HCFC2: variants seen among roughly 807,000 people sequenced by gnomAD.
The protein encoded by HCFC2 is host cell factor 2.
HCFC2 carries 18 observed loss-of-function variants against 89.2 expected under a neutral mutation model. That is an observed-to-expected ratio of 0.20 (90% CI 0.14 to 0.30). The LOEUF is 0.30. Among genes scored for constraint, HCFC2 ranks in the 10% least tolerant of loss-of-function variants. The pLI, the probability that HCFC2 is intolerant of heterozygous loss-of-function variation, is 1.00. For synonymous variants in HCFC2, 308 were observed against 335.7 expected, an observed-to-expected ratio of 0.92 and a Z score of 0.90; for missense variants, 578 against 956.1, an observed-to-expected ratio of 0.60 and a Z score of 5.21.
In HCFC2 at chr12:104,068,081, C is replaced by T. The variant is rs753238262; in HGVS notation, c.447C>T (p.Ser149=). The T allele has an allele frequency of 2.1e-5, 33 of 1,596,066 alleles. No individual in the cohort carries two copies. Among genetic ancestry groups the T allele is most frequent in the Admixed American group, 3.5e-5 (2 of 56,790 alleles). Residue 149 remains serine, a synonymous_variant, in exon 3 of 15, where the codon AGC becomes AGT. Coordinates refer to ENST00000229330, the MANE Select transcript of HCFC2 (RefSeq NM_013320.3). This position sits in a 1 kb window ranked among gnomAD's most constrained non-coding sequence, Gnocchi z 4.1. ...CYLFGGLANE[S]EDSNNNVPRY... Reference sequence around the variant, plus strand: ...TGTTTGGTGGCCTGGCAAACGAAAGCGAAGATTCAAACAATAATGTTCCCA... The same window carrying T: ...TGTTTGGTGGCCTGGCAAACGAAAGTGAAGATTCAAACAATAATGTTCCCA...
At chr12:104,084,290 A>G (rs765264059) in intron 7 of HCFC2, among the ~76,000 whole-genome samples, 9 of 152,180 alleles carry the variant, frequency 5.9e-5, no homozygotes, top group Non-Finnish European at 1.2e-4. Context: ...AATACATGAG[A>G]TAGTGGTGTT....
chr12:104,099,509 G>A (rs1325722085), intron 13 of HCFC2, among the ~76,000 whole-genome samples: 1 of 152,104 alleles, frequency 6.6e-6, no homozygotes, highest in Non-Finnish European at 1.5e-5. Flanking sequence ...GCTGAGTCAG[G>A]AGGATTGCTT....
At chr12:104,069,093 C>T (rs1352671252) in intron 3 of HCFC2, among the ~76,000 whole-genome samples, 1 of 151,992 alleles carries the variant, frequency 6.6e-6, no homozygotes, top group Non-Finnish European at 1.5e-5. Flanking sequence ...ATCGCTTGAG[C>T]CCAGCAGTTC....
At chr12:104,078,021 C>T (rs1031520007) in intron 3 of HCFC2, among the ~76,000 whole-genome samples, 6 of 151,884 alleles carry the variant, frequency 4.0e-5, no homozygotes, top group African/African-American at 4.8e-5. Context: ...TGTTTTGAGA[C>T]GGAGTCTCAC....
Position 104,067,975 on chromosome 12 carries a change from A to C in HCFC2, c.341A>C (p.Lys114Thr). ...AGTCGTTGGTTATGGAAAAAAGTGA[A>C]ACCCCATCCCCCTCCTTCTGGTTTA... is the stretch of plus-strand genomic sequence containing the variant. ...QASRWLWKKV[K>T]PHPPPSGLPP... The change falls in exon 3 of 15, where the codon AAA (lysine) becomes ACA (threonine). Residue 114 changes from lysine to threonine, a missense_variant. Lys to Thr is a moderately conservative substitution (Grantham distance 78). This residue lies in a region of HCFC2 where 206 missense variants were observed against 419.2 expected (regional missense o/e 0.49). Transcript: ENST00000229330. 6.3e-7 allele frequency: 1 copy of C among 1,594,852 alleles called. No individual in the cohort carries two copies. Among genetic ancestry groups the C allele is most frequent in the Non-Finnish European group, 8.5e-7 (1 of 1,174,252 alleles).
intron 7 of HCFC2, among the ~76,000 whole-genome samples, chr12:104,086,054 G>C (rs1000948881): frequency 2.1e-5 from 3 of 145,288 alleles, no homozygotes; most frequent in Admixed American, 1.4e-4. Flanking sequence ...CTGGAGTGCA[G>C]TGTTGCGACC....
intron 3 of HCFC2, among the ~76,000 whole-genome samples, chr12:104,079,030 C>T (rs1883597701): frequency 1.3e-5 from 2 of 152,072 alleles, no homozygotes; most frequent in East Asian, 1.9e-4. Flanking sequence ...TCAGAAGTCA[C>T]GTAGTGTGCT....
At chr12:104,082,089 T>C (rs1032529988) in intron 5 of HCFC2, among the ~76,000 whole-genome samples, 2 of 152,200 alleles carry the variant, frequency 1.3e-5, no homozygotes, top group Non-Finnish European at 2.9e-5. Context: ...TTAAGTGATA[T>C]CAATGACCAA....
chr12:104,070,232 G>T, intron 3 of HCFC2, among the ~76,000 whole-genome samples: 1 of 151,938 alleles, frequency 6.6e-6, no homozygotes. Context: ...GTTTCACCGC[G>T]TTAGCCAGGA....
At chr12:104,099,243 A>G (rs940424650) in intron 13 of HCFC2, among the ~76,000 whole-genome samples, 3 of 152,008 alleles carry the variant, frequency 2.0e-5, no homozygotes, top group Non-Finnish European at 4.4e-5. Flanking sequence ...ATACAATACT[A>G]AGGGGGGATG....
intron 9 of HCFC2, among the ~76,000 whole-genome samples, chr12:104,092,665 T>C (rs1884055517): frequency 6.6e-6 from 1 of 151,846 alleles, no homozygotes; most frequent in African/African-American, 2.4e-5. Context: ...TCCCAGCTAC[T>C]TGGGAGACTG....
intron 1 of HCFC2, among the ~76,000 whole-genome samples, chr12:104,065,867 A>G (rs2136587521): frequency 1.3e-5 from 2 of 152,312 alleles, no homozygotes; most frequent in South Asian, 4.1e-4. Flanking sequence ...GGGTTTTTCA[A>G]CAGCAGCACT....
At position 104,064,781 on chromosome 12, in the gene HCFC2, G is replaced by A. The variant is rs1883007475; in HGVS notation, c.163+58G>A. 4 of 1,474,774 alleles carry A rather than the reference G, an allele frequency of 2.7e-6. No homozygotes were observed. The South Asian group carries it at 3.8e-5, about 14-fold the overall frequency. The allele number at this position is 1,474,774 out of a possible 1,614,324, so 91.4% of individuals were successfully genotyped here. ...GCTGGAGCTGCGGAGGGGGAGGGGA[G>A]GCGAGGCGGCGGCCGCGGCCCTGAC... On this transcript the variant is annotated intron_variant, in intron 1 of 14. Coordinates refer to ENST00000229330, the MANE Select transcript of HCFC2 (RefSeq NM_013320.3). The surrounding 1 kb of genome is among the most constrained non-coding windows in gnomAD (Gnocchi z 7.3).
chr12:104,084,856 A>G (rs1883788709), intron 7 of HCFC2, among the ~76,000 whole-genome samples: 1 of 152,196 alleles, frequency 6.6e-6, no homozygotes, highest in African/African-American at 2.4e-5. Context: ...TTGTGTGGCA[A>G]GTGAAAGAAA....
At chr12:104,096,194 C>A (rs1184097900) in intron 11 of HCFC2, among the ~76,000 whole-genome samples, 166 bp from the exon 12 acceptor site, 1 of 152,060 alleles carries the variant, frequency 6.6e-6, no homozygotes, top group Non-Finnish European at 1.5e-5. Flanking sequence ...TAGTACAATA[C>A]CCTCTGGCTG....
rs1222859137 is a variant in HCFC2, at chr12:104,068,846, T to G, written c.473+739T>G. On this transcript the variant is annotated intron_variant, in intron 3 of 14. Transcript: ENST00000229330. The surrounding 1 kb of genome is among the most constrained non-coding windows in gnomAD (Gnocchi z 4.1). ...CTCTTTCCTTTGGGGAACTATACTGTTCCATGTAGTTTTTTTTTTTAATAA... is the reference window on the plus strand; with the variant it reads ...CTCTTTCCTTTGGGGAACTATACTGGTCCATGTAGTTTTTTTTTTTAATAA... Among the ~76,000 whole-genome samples the G allele has an allele frequency of 6.6e-6, 1 of 151,970 alleles. No homozygotes were observed. The highest frequency in any genetic ancestry group is 1.5e-5 in the Non-Finnish European group (1 of 67,900).
Position 104,086,892 on chromosome 12 carries a change from C to A in HCFC2, c.1109C>A (p.Thr370Asn). Residue 370 changes from threonine to asparagine, a missense_variant, in exon 8 of 15, where the codon ACC becomes AAC. By Grantham distance (65) the Thr-to-Asn change is moderately conservative. Around this residue, in one of 4 missense-constraint regions of HCFC2, gnomAD observed 210 missense variants for 251.7 expected, o/e 0.83. Coordinates refer to ENST00000229330, the MANE Select transcript of HCFC2 (RefSeq NM_013320.3). ...PSQVQLIKAT[T>N]NSFHVKWDEV... ...CAAGTACAGCTGATCAAAGCCACTA[C>A]CAACTCCTTTCATGTCAAGTGGGAT... 1 of 1,613,916 alleles carries A rather than the reference C, an allele frequency of 6.2e-7. No homozygotes were observed. The highest frequency in any genetic ancestry group is 8.5e-7 in the Non-Finnish European group (1 of 1,179,858).
rs559716501 is a variant in HCFC2, at chr12:104,084,520, G to T, written c.1063+1619G>T. 7.2e-5 allele frequency among the ~76,000 whole-genome samples: 11 copies of T among 152,304 alleles called. 1 individual carries two copies. The South Asian group carries it at 2.3e-3, about 32-fold the overall frequency. On this transcript the variant is annotated intron_variant, in intron 7 of 14. Coordinates refer to ENST00000229330, the MANE Select transcript of HCFC2 (RefSeq NM_013320.3). ...AGATTTGAGCTGGGTAAACAAAGAG[G>T]AAAGTGTAGGAATGGAGGTTAGAGA...
At chr12:104,073,991 A>G (rs1252820904) in intron 3 of HCFC2, among the ~76,000 whole-genome samples, 3 of 152,232 alleles carry the variant, frequency 2.0e-5, no homozygotes, top group Middle Eastern at 3.2e-3. Context: ...TATGAAGCCT[A>G]AAATATTTAC....
Sources: allele counts gnomAD v4.1 joint callset (sites outside exome capture counted in the v4.1 genomes callset), GRCh38; gene constraint gnomAD v4.1.1; regional missense constraint gnomAD v4.1.1; non-coding constraint Gnocchi (gnomAD v3.1); transcripts MANE v1.5; gene names NCBI Gene and HGNC (gene_info 2026-07-23, HGNC 2026-07-21).